Variants in FOXP2 observed in about 807,000 individuals in gnomAD.
The protein encoded by FOXP2 is forkhead box P2, also known as forkhead box protein P2.
In FOXP2, 12 loss-of-function variants were observed where a neutral mutation model predicts 115.8. The observed-to-expected ratio is 0.10, with a 90% CI of 0.07 to 0.17. The LOEUF is 0.17. Ranked by LOEUF, FOXP2 falls within the 10% of genes least tolerant of loss-of-function variation. FOXP2 has a pLI of 1.00. For missense variants in FOXP2, 629 were observed against 843.5 expected (o/e 0.75, Z 3.15); for synonymous variants, 328 against 297.7 (o/e 1.10, Z -1.05).
At chr7:114,159,146 A>G (rs1387423860), upstream of FOXP2, among the ~76,000 whole-genome samples, 2 of 152,156 alleles carry the variant, frequency 1.3e-5, no homozygotes, top group African/African-American at 2.4e-5. Context: ...GTAGAGGCAC[A>G]TGTAAGAATA....
chr7:114,402,434 A>G (rs929845975), intron 2 of FOXP2, among the ~76,000 whole-genome samples: 1 of 152,176 alleles, frequency 6.6e-6, no homozygotes, highest in Non-Finnish European at 1.5e-5. Context: ...ATATCCACCT[A>G]TCTCAAACAG....
intron 2 of FOXP2, among the ~76,000 whole-genome samples, chr7:114,290,818 T>C (rs920866902): frequency 6.6e-6 from 1 of 152,150 alleles, no homozygotes; most frequent in Non-Finnish European, 1.5e-5. Context: ...CTTTTACGCT[T>C]AATTTGTCAA....
At chr7:114,124,323 T>G (rs1357778409) in intron 1 of FOXP2, among the ~76,000 whole-genome samples, 2 of 152,138 alleles carry the variant, frequency 1.3e-5, no homozygotes, top group African/African-American at 4.8e-5. Flanking sequence ...ATTTGAAAAG[T>G]TATAATAACC....
chr7:114,490,553 G>A (rs551087108), intron 2 of FOXP2, among the ~76,000 whole-genome samples: 15 of 151,980 alleles, frequency 9.9e-5, no homozygotes, highest in African/African-American at 2.7e-4. Flanking sequence ...TGTGCACAAT[G>A]TGCAGGTTTG....
Position 114,631,510 on chromosome 7 carries a change from T to C in FOXP2, c.598-18T>C. ...CCATGTTCTCTGCTGTTTACTGGTT[T>C]GGGTTTTCTGATACCAGCAGCAGCA... On this transcript the variant is annotated intron_variant, in intron 5 of 16. Coordinates refer to ENST00000350908, the MANE Select transcript of FOXP2 (RefSeq NM_014491.4). 1 of 1,555,668 alleles carries C rather than the reference T, an allele frequency of 6.4e-7. No individual in the cohort carries two copies. The highest frequency in any genetic ancestry group is 1.4e-5 in the African/African-American group (1 of 73,282).
chr7:114,508,005 G>T (rs897524239), intron 2 of FOXP2, among the ~76,000 whole-genome samples: 3 of 151,932 alleles, frequency 2.0e-5, no homozygotes, highest in Admixed American at 2.0e-4. Flanking sequence ...TTAAGTGCTT[G>T]CTATATGTCA....
intron 1 of FOXP2, among the ~76,000 whole-genome samples, chr7:114,260,006 C>T (rs1584587214): frequency 6.6e-6 from 1 of 152,012 alleles, no homozygotes; most frequent in Non-Finnish European, 1.5e-5. Context: ...TCTCTTGCCT[C>T]AGCCTTCAGA....
intron 1 of FOXP2, among the ~76,000 whole-genome samples, chr7:114,129,386 A>C (rs936031771): frequency 2.3e-4 from 35 of 152,256 alleles, no homozygotes; most frequent in African/African-American, 8.2e-4. Flanking sequence ...TCCTTTCCAT[A>C]ATCACACACA....
At chr7:114,224,062 A>G (rs1225222014) in intron 1 of FOXP2, among the ~76,000 whole-genome samples, 1 of 152,048 alleles carries the variant, frequency 6.6e-6, no homozygotes, top group Non-Finnish European at 1.5e-5. Context: ...TATCTAACCA[A>G]TGATTTGGGC....
At chr7:114,598,418 G>A (rs1802839352) in intron 3 of FOXP2, among the ~76,000 whole-genome samples, 1 of 152,080 alleles carries the variant, frequency 6.6e-6, no homozygotes. Context: ...TCTAAGAATG[G>A]TGTTCCATCT....
intron 1 of FOXP2, among the ~76,000 whole-genome samples, chr7:114,109,830 A>G (rs1397076188): frequency 6.6e-6 from 1 of 152,166 alleles, no homozygotes; most frequent in Non-Finnish European, 1.5e-5. Context: ...TGGAAAACTC[A>G]TATTTTAAGA....
intron 2 of FOXP2, among the ~76,000 whole-genome samples, chr7:114,486,136 A>C (rs1796762037): frequency 6.6e-6 from 1 of 152,172 alleles, no homozygotes; most frequent in Admixed American, 6.5e-5. Context: ...GCTAATAAAG[A>C]CATACCCGAG....
At chr7:114,239,203 A>T (rs1795091252) in intron 1 of FOXP2, among the ~76,000 whole-genome samples, 1 of 151,924 alleles carries the variant, frequency 6.6e-6, no homozygotes, top group Non-Finnish European at 1.5e-5. Context: ...AATGAGGATG[A>T]TCAAGTTCTA....
At chr7:114,518,849 T>C (rs930516167) in intron 2 of FOXP2, among the ~76,000 whole-genome samples, 13 of 152,174 alleles carry the variant, frequency 8.5e-5, no homozygotes, top group African/African-American at 3.1e-4. Flanking sequence ...TTAATCACTT[T>C]GTTAGTTATT....
At chr7:114,315,257 T>G (rs1454263180) in intron 2 of FOXP2, among the ~76,000 whole-genome samples, 2 of 152,188 alleles carry the variant, frequency 1.3e-5, no homozygotes, top group African/African-American at 4.8e-5. Flanking sequence ...TTAGGCATTG[T>G]ATTAGGCACA....
At chr7:114,484,514 G>A (rs1006775744) in intron 2 of FOXP2, among the ~76,000 whole-genome samples, 8 of 151,812 alleles carry the variant, frequency 5.3e-5, no homozygotes, top group African/African-American at 1.9e-4. Flanking sequence ...TCTATAAACT[G>A]TAGTGTATTC....
In FOXP2 at chr7:114,568,493, G is replaced by A. The variant is rs564949122; in HGVS notation, c.258+33787G>A. Among the ~76,000 whole-genome samples, 27 of 150,880 alleles carry A rather than the reference G, an allele frequency of 1.8e-4. No individual in the cohort carries two copies. In the East Asian group the frequency reaches 2.7e-3, roughly 15 times the overall value. On this transcript the variant is annotated intron_variant, in intron 3 of 16. Transcript: ENST00000350908. ...TGTTTTTTGTCAAGGTTATCGTTTC[G>A]TTAAAATTTGGGAAATATTTGAGAT...
chr7:114,234,678 G>A (rs1286168894), intron 1 of FOXP2, among the ~76,000 whole-genome samples: 1 of 152,174 alleles, frequency 6.6e-6, no homozygotes. Context: ...CAGTCCCATA[G>A]CTAGTTAGTA....
At chr7:114,157,668 G>T (rs1792705578) in intron 1 of FOXP2, among the ~76,000 whole-genome samples, 1 of 152,110 alleles carries the variant, frequency 6.6e-6, no homozygotes, top group African/African-American at 2.4e-5. Context: ...CAGGGAAATA[G>T]TTGGATGACT....
Sources: allele counts gnomAD v4.1 joint callset (sites outside exome capture counted in the v4.1 genomes callset), GRCh38; gene constraint gnomAD v4.1.1; transcripts MANE v1.5; gene names NCBI Gene and HGNC (gene_info 2026-07-23, HGNC 2026-07-21).